Variants in FHAD1 observed in about 807,000 individuals in gnomAD.
FHAD1 encodes forkhead-associated domain-containing protein 1.
In FHAD1, 146 loss-of-function variants were observed where a neutral mutation model predicts 191.3. That is an observed-to-expected ratio of 0.76 (90% CI 0.67 to 0.88). The LOEUF is 0.88. Ranked by LOEUF, FHAD1 falls within the 40% of genes least tolerant of loss-of-function variation. The pLI, the probability that FHAD1 is intolerant of heterozygous loss-of-function variation, is 0.00. For synonymous variants in FHAD1, 616 were observed against 672.3 expected (o/e 0.92, Z 1.29); for missense variants, 1,635 against 1,785.8 (o/e 0.92, Z 1.52).
At chr1:15,283,161 T>C (rs1322723025) in intron 3 of FHAD1, among the ~76,000 whole-genome samples, 1 of 152,242 alleles carries the variant, frequency 6.6e-6, no homozygotes, top group African/African-American at 2.4e-5. Flanking sequence ...GGTAGTTGGG[T>C]CATTGCCATG....
intron 19 of FHAD1, among the ~76,000 whole-genome samples, chr1:15,352,195 C>G (rs915306433): frequency 1.3e-5 from 2 of 152,110 alleles, no homozygotes; most frequent in African/African-American, 4.8e-5. Flanking sequence ...ATTTAAAATC[C>G]TTTTCTTGTG....
At chr1:15,310,065 A>G (rs1344424652) in intron 7 of FHAD1, among the ~76,000 whole-genome samples, 2 of 152,130 alleles carry the variant, frequency 1.3e-5, no homozygotes, top group Admixed American at 6.5e-5. Flanking sequence ...TTTAAGGCAG[A>G]GAATGGCATG....
At chr1:15,308,534 T>C in intron 6 of FHAD1, 79 bp from the exon 7 acceptor site, 2 of 1,512,454 alleles carry the variant, frequency 1.3e-6, no homozygotes, top group South Asian at 2.5e-5. Context: ...TGAATCTTTC[T>C]GTCAAGCTTG....
chr1:15,355,480 C>T (rs1692409955), intron 20 of FHAD1, among the ~76,000 whole-genome samples: 1 of 152,226 alleles, frequency 6.6e-6, no homozygotes, highest in African/African-American at 2.4e-5. Flanking sequence ...ACGCATGGGA[C>T]CGGTGAACTT....
intron 9 of FHAD1, 149 bp from the exon 10 acceptor site, chr1:15,317,675 C>T: frequency 3.4e-6 from 2 of 588,198 alleles, no homozygotes; most frequent in Non-Finnish European, 3.0e-6. Flanking sequence ...AACCTTCCTC[C>T]AGGAGAAGGA....
At chr1:15,376,652 A>C (rs753837444) in intron 28 of FHAD1, among the ~76,000 whole-genome samples, 1 of 152,216 alleles carries the variant, frequency 6.6e-6, no homozygotes, top group Non-Finnish European at 1.5e-5. Flanking sequence ...AATGATGACA[A>C]AAATACTGAA....
At chr1:15,356,865 C>G (rs1436299166) in intron 20 of FHAD1, among the ~76,000 whole-genome samples, 2 of 126,968 alleles carry the variant, frequency 1.6e-5, no homozygotes, top group African/African-American at 6.1e-5. Flanking sequence ...GAGCAAGACT[C>G]CATCTCAAAA....
intron 23 of FHAD1, among the ~76,000 whole-genome samples, chr1:15,365,341 C>A (rs1432278682): frequency 6.8e-6 from 1 of 147,918 alleles, no homozygotes; most frequent in Admixed American, 6.7e-5. Flanking sequence ...TTCTTTCTTT[C>A]TTTTTTTTTT....
chr1:15,387,025 G>A (rs764704922), intron 31 of FHAD1, among the ~76,000 whole-genome samples: 13 of 151,692 alleles, frequency 8.6e-5, no homozygotes, highest in Non-Finnish European at 1.6e-4. Flanking sequence ...CACCACGCCC[G>A]GCTTATTTTT....
Position 15,362,713 on chromosome 1 carries a change from T to C in FHAD1, c.3034T>C (p.Tyr1012His). Reference protein sequence around the residue: ...MTESSAKDMAYEHLIDDLLAA... With the variant: ...MTESSAKDMAHEHLIDDLLAA... The stretch of plus-strand genomic sequence containing the variant: ...AGAGAGCAGTGCCAAAGACATGGCG[T>C]ACGAACATCTGATGTGAGTACCCGT... Residue 1012 changes from tyrosine (Y) to histidine (H), a missense_variant, in exon 23 of 34, where the codon TAC becomes CAC. Coordinates refer to ENST00000688493, the MANE Select transcript of FHAD1 (RefSeq NM_001391957.1). 6.4e-7 allele frequency: 1 copy of C among 1,551,630 alleles called. No individual in the cohort carries two copies. Among genetic ancestry groups the C allele is most frequent in the Middle Eastern group, 1.7e-4 (1 of 5,984 alleles).
chr1:15,317,344 T>A (rs1558092977), intron 9 of FHAD1, among the ~76,000 whole-genome samples: 1 of 152,196 alleles, frequency 6.6e-6, no homozygotes, highest in Non-Finnish European at 1.5e-5. Flanking sequence ...CTCGGGAAGT[T>A]CAGCTTCTCC....
At chr1:15,348,989 A>G in intron 18 of FHAD1, 53 bp from the exon 19 acceptor site, 2 of 1,057,764 alleles carry the variant, frequency 1.9e-6, no homozygotes, top group South Asian at 2.9e-5. Flanking sequence ...CATTACTAGC[A>G]ATTTCCCCCC....
At chr1:15,293,512 G>GA (rs1665664465) in intron 4 of FHAD1, among the ~76,000 whole-genome samples, 1 of 152,158 alleles carries the variant, frequency 6.6e-6, no homozygotes, top group African/African-American at 2.4e-5. Context: ...AAGGTCGGGA[G>GA]TCTGAGACCA....
Position 15,294,399 on chromosome 1 carries a change from G to C in FHAD1, c.569-2285G>C, listed in dbSNP as rs373080702. Among the ~76,000 whole-genome samples, 4 of 152,078 alleles carry C rather than the reference G, an allele frequency of 2.6e-5. No homozygotes were observed. In the South Asian group the frequency reaches 8.3e-4, roughly 32 times the overall value. On this transcript the variant is annotated intron_variant, in intron 4 of 33. Transcript: ENST00000688493. ...TAATTGTTTGTTGTGGGGCTGTCCC[G>C]TGCATTGTTTTTGAGACAGAGGCTC... is the stretch of plus-strand genomic sequence containing the variant.
intron 26 of FHAD1, among the ~76,000 whole-genome samples, chr1:15,372,735 T>TA (rs1407215221): frequency 6.6e-6 from 1 of 152,364 alleles, no homozygotes; most frequent in East Asian, 1.9e-4. Flanking sequence ...ACTGGTATTT[T>TA]AAAAAGTATT....
At chr1:15,396,263 A>G (rs975382997) in intron 33 of FHAD1, among the ~76,000 whole-genome samples, 1 of 152,078 alleles carries the variant, frequency 6.6e-6, no homozygotes, top group Non-Finnish European at 1.5e-5. Flanking sequence ...TCGAGGCTGC[A>G]GTGAGCGGGG....
chr1:15,257,940 T>A (rs918067261), intron 2 of FHAD1, among the ~76,000 whole-genome samples: 11 of 152,082 alleles, frequency 7.2e-5, no homozygotes, highest in African/African-American at 2.4e-4. Context: ...CTCCTGGGTT[T>A]AAGTGATTCT....
chr1:15,381,568 A>G lies in FHAD1; in HGVS notation c.4022+117A>G. 1 of 730,854 alleles carries G rather than the reference A, an allele frequency of 1.4e-6. No individual in the cohort carries two copies. The highest frequency in any genetic ancestry group is 2.3e-6 in the Non-Finnish European group (1 of 438,146). 45.3% of individuals were successfully genotyped at this position (730,854 alleles called of 1,614,324 possible). On this transcript the variant is annotated intron_variant, in intron 30 of 33. Coordinates refer to ENST00000688493, the MANE Select transcript of FHAD1 (RefSeq NM_001391957.1). This position sits in a 1 kb window ranked among gnomAD's most constrained non-coding sequence, Gnocchi z 4.6. ...CAGGAGGACAGAGACCCACGTGTGG[A>G]ATACCTGCAATGTCAGAAGGGGACC...
At chr1:15,361,219 T>C (rs1240758618) in intron 22 of FHAD1, among the ~76,000 whole-genome samples, 1 of 152,190 alleles carries the variant, frequency 6.6e-6, no homozygotes, top group African/African-American at 2.4e-5. Context: ...AAGAAAGTTC[T>C]GGAAGTAGAG....
Sources: gnomAD v4.1 joint callset for allele counts (sites outside exome capture counted in the v4.1 genomes callset) on GRCh38, gnomAD v4.1.1 for gene constraint, Gnocchi (gnomAD v3.1) non-coding constraint, MANE v1.5 for transcripts, NCBI Gene and HGNC (gene_info 2026-07-23, HGNC 2026-07-21) for gene names.